FAM163B: variants seen among roughly 807,000 people sequenced by gnomAD.
The protein encoded by FAM163B is protein FAM163B.
FAM163B carries 4 observed loss-of-function variants against 7.6 expected under a neutral mutation model. The observed-to-expected ratio is 0.52, with a 90% confidence interval of 0.26 to 1.20. FAM163B has a LOEUF of 1.20. Among genes scored for constraint, FAM163B ranks in the 50% most tolerant of loss-of-function variants. The pLI, the probability that FAM163B is intolerant of heterozygous loss-of-function variation, is 0.14. For missense variants in FAM163B, 250 were observed against 243.0 expected, an observed-to-expected ratio of 1.03 and a Z score of -0.19; for synonymous variants, 120 against 111.6, an observed-to-expected ratio of 1.07 and a Z score of -0.47.
intron 1 of FAM163B, among the ~76,000 whole-genome samples, 122 bp downstream of exon 1, chr9:133,608,955 T>C (rs951639448): frequency 1.3e-5 from 2 of 152,236 alleles, no homozygotes; most frequent in African/African-American, 2.4e-5. Flanking sequence ...TCAGGGGACC[T>C]GGTGCGAGGC....
In FAM163B at chr9:133,577,837, C is replaced by T. The variant is rs948559941; in HGVS notation, c.*1185G>A. Among the ~76,000 whole-genome samples, 3 of 152,158 alleles carry T rather than the reference C, an allele frequency of 2.0e-5. No homozygotes were observed. The highest frequency in any genetic ancestry group is 2.1e-4 in the South Asian group (1 of 4,816). On this transcript the variant is annotated 3_prime_UTR_variant, in exon 3 of 3. Transcript: ENST00000673969. ...CGTCATTTCCTTAGCAGCAGGAGAGCGGGTGAGAATTCCCAGGAGACCTCA... is the reference window on the plus strand; with the variant it reads ...CGTCATTTCCTTAGCAGCAGGAGAGTGGGTGAGAATTCCCAGGAGACCTCA...
chr9:133,579,172 G>A lies in FAM163B; in HGVS notation c.351C>T (p.Gly117=), dbSNP rs757130732. The change falls in exon 3 of 3, where the codon GGC becomes GGT. Residue 117 remains glycine (G), a synonymous_variant. Transcript: ENST00000673969. ...PPEEEEDVLN[G]GERVLYKSVS... ...CGCTCTTGTAGAGCACGCGCTCCCCGCCGTTCAGCACGTCCTCTTCCTCCT... is the reference window on the plus strand; with the variant it reads ...CGCTCTTGTAGAGCACGCGCTCCCCACCGTTCAGCACGTCCTCTTCCTCCT... 43 of 1,611,232 alleles carry A rather than the reference G, an allele frequency of 2.7e-5. No individual in the cohort carries two copies. Among genetic ancestry groups the A allele is most frequent in the Middle Eastern group, 1.7e-4 (1 of 5,778 alleles).
At chr9:133,579,933 G>A (rs890218198) in intron 2 of FAM163B, among the ~76,000 whole-genome samples, 198 bp downstream of exon 2, 2 of 152,184 alleles carry the variant, frequency 1.3e-5, no homozygotes, top group African/African-American at 4.8e-5. Context: ...ATAAGCTCTG[G>A]GTGAGGGGAG....
chr9:133,595,638 G>A (rs1831621086), intron 1 of FAM163B, among the ~76,000 whole-genome samples: 1 of 152,084 alleles, frequency 6.6e-6, no homozygotes, highest in African/African-American at 2.4e-5. Context: ...TCAGGCCTCA[G>A]GTTCCCCTTC....
chr9:133,602,616 A>T (rs1831744237), intron 1 of FAM163B, among the ~76,000 whole-genome samples: 1 of 152,078 alleles, frequency 6.6e-6, no homozygotes, highest in Admixed American at 6.5e-5. Context: ...TTTTTTTTAA[A>T]TAGAGATCTG....
At position 133,600,838 on chromosome 9, in the gene FAM163B, C is replaced by T. The variant is rs1831719873; in HGVS notation, c.-24+8239G>A. Among the ~76,000 whole-genome samples, 1 of 152,190 alleles carries T rather than the reference C, an allele frequency of 6.6e-6. No homozygotes were observed. The highest frequency in any genetic ancestry group is 6.5e-5 in the Admixed American group (1 of 15,288). ...TAATCGCAAGCTCAGTGAACAATCACAGACGCTCCCTAACCCCCTTTCCCC... is the reference window on the plus strand; with the variant it reads ...TAATCGCAAGCTCAGTGAACAATCATAGACGCTCCCTAACCCCCTTTCCCC... On this transcript the variant is annotated intron_variant, in intron 1 of 2. Transcript: ENST00000673969. The surrounding 1 kb of genome is among the most constrained non-coding windows in gnomAD (Gnocchi z 4.9).
In FAM163B at chr9:133,609,323, G is replaced by T. The variant is rs1331166741; in HGVS notation, c.-270C>A. On this transcript the variant is annotated 5_prime_UTR_variant, in exon 1 of 3. Transcript: ENST00000673969. The stretch of plus-strand genomic sequence containing the variant: ...CCGCGCTGCGGCCGCGACTCCGGAC[G>T]CCCCGGCTGGCTCCCTGCGAGCTGC... 2.7e-5 allele frequency among the ~76,000 whole-genome samples: 4 copies of T among 149,592 alleles called. No homozygotes were observed. The highest frequency in any genetic ancestry group is 9.7e-5 in the African/African-American group (4 of 41,156).
intron 1 of FAM163B, among the ~76,000 whole-genome samples, chr9:133,594,357 G>A (rs2131248613): frequency 6.6e-6 from 1 of 152,280 alleles, no homozygotes; most frequent in South Asian, 2.1e-4. Flanking sequence ...GTCTGGGTAA[G>A]AGGTTGTTCC....
chr9:133,608,310 G>A (rs1831813730), intron 1 of FAM163B, among the ~76,000 whole-genome samples: 1 of 152,240 alleles, frequency 6.6e-6, no homozygotes, highest in African/African-American at 2.4e-5. Context: ...TTGTGCCCAG[G>A]CAGTCCGTGG....
chr9:133,592,813 C>T (rs972143820), intron 1 of FAM163B, among the ~76,000 whole-genome samples: 1 of 152,138 alleles, frequency 6.6e-6, no homozygotes, highest in Non-Finnish European at 1.5e-5. Flanking sequence ...GTCCAGCAAG[C>T]CCCCGAGAGG....
At chr9:133,595,498 C>T (rs557435016) in intron 1 of FAM163B, among the ~76,000 whole-genome samples, 33 of 152,310 alleles carry the variant, frequency 2.2e-4, no homozygotes, top group South Asian at 6.2e-4. Flanking sequence ...GCGGCATCCT[C>T]GGACCACACT....
intron 1 of FAM163B, among the ~76,000 whole-genome samples, chr9:133,594,142 A>G (rs1364484223): frequency 6.6e-6 from 1 of 152,258 alleles, no homozygotes; most frequent in African/African-American, 2.4e-5. Flanking sequence ...GGCCACGTCC[A>G]GAGCTGTGCT....
chr9:133,580,214 C>T lies in FAM163B; in HGVS notation c.10G>A (p.Gly4Arg). 3 of 1,613,432 alleles carry T rather than the reference C, an allele frequency of 1.9e-6. No homozygotes were observed. The highest frequency in any genetic ancestry group is 2.5e-6 in the Non-Finnish European group (3 of 1,179,968). ...ATGCCCCCGGTGATGACCACGGTCCCGGCTGTCATCCGCCCCCTTCTCCAT... is the reference window on the plus strand; with the variant it reads ...ATGCCCCCGGTGATGACCACGGTCCTGGCTGTCATCCGCCCCCTTCTCCAT... Reference protein sequence around the residue: MTAGTVVITGGILA... With the variant: MTARTVVITGGILA... The change falls in exon 2 of 3, where the codon GGG becomes AGG. Residue 4 changes from glycine (G) to arginine (R), a missense_variant. Gly to Arg is a moderately radical substitution (Grantham distance 125). Transcript: ENST00000673969.
intron 1 of FAM163B, among the ~76,000 whole-genome samples, chr9:133,587,637 C>T (rs915042797): frequency 3.9e-5 from 6 of 152,120 alleles, no homozygotes; most frequent in African/African-American, 1.4e-4. Context: ...TAGCCCCCAC[C>T]AGGCAGGGTG....
intron 1 of FAM163B, among the ~76,000 whole-genome samples, chr9:133,605,316 G>C (rs1831776834): frequency 6.6e-6 from 1 of 152,158 alleles, no homozygotes; most frequent in South Asian, 2.1e-4. Context: ...AGCTTGGATG[G>C]AAACACGGCT....
rs561087702 is a variant in FAM163B at position 133,596,248 on chromosome 9, G to A, written c.-24+12829C>T. 4.9e-3 allele frequency among the ~76,000 whole-genome samples: 745 copies of A among 152,268 alleles called. 10 individuals carry two copies. Among genetic ancestry groups the A allele is most frequent in the African/African-American group, 0.017 (708 of 41,530 alleles). ...AGGCTTCTGGCCCGGGCGGCTGTGC[G>A]GGGAGCCCCCGAGTTTGCCATGCTC... On this transcript the variant is annotated intron_variant, in intron 1 of 2. Transcript: ENST00000673969.
intron 1 of FAM163B, among the ~76,000 whole-genome samples, chr9:133,588,606 AGG>A (rs1831478426): frequency 6.6e-6 from 1 of 152,180 alleles, no homozygotes; most frequent in South Asian, 2.1e-4. Context: ...TGAGGGATCT[AGG>A]ATGCTGAAGG....
chr9:133,603,588 T>G (rs1831755886), intron 1 of FAM163B, among the ~76,000 whole-genome samples: 1 of 152,230 alleles, frequency 6.6e-6, no homozygotes, highest in Admixed American at 6.5e-5. Context: ...GCGGGGCCAC[T>G]GCTCATTAGC....
In FAM163B at chr9:133,589,975, C is replaced by A. The variant is rs572034556; in HGVS notation, c.-23-9729G>T. On this transcript the variant is annotated intron_variant, in intron 1 of 2. Transcript: ENST00000673969. ...TGCCGACGGGGCTGGCTTTTTGTCTCCCTTAAAAATACCAATGTGCAGAAG... is the reference window on the plus strand; with the variant it reads ...TGCCGACGGGGCTGGCTTTTTGTCTACCTTAAAAATACCAATGTGCAGAAG... Among the ~76,000 whole-genome samples the A allele has an allele frequency of 3.9e-3, 593 of 152,044 alleles. 6 individuals carry two copies. Among genetic ancestry groups the A allele is most frequent in the African/African-American group, 0.013 (557 of 41,464 alleles).
Sources: gnomAD v4.1 joint callset for allele counts (sites outside exome capture counted in the v4.1 genomes callset) on GRCh38, gnomAD v4.1.1 for gene constraint, Gnocchi (gnomAD v3.1) non-coding constraint, MANE v1.5 for transcripts, NCBI Gene and HGNC (gene_info 2026-07-23, HGNC 2026-07-21) for gene names.